The following RPTOR variants were observed in gnomAD, a reference collection of about 807,000 sequenced individuals.
The protein encoded by RPTOR is regulatory-associated protein of mTOR.
In RPTOR, 21 loss-of-function variants were observed where a neutral mutation model predicts 169.9. The observed-to-expected ratio is 0.12, with a 90% CI of 0.09 to 0.18. RPTOR has a LOEUF of 0.18. Among genes scored for constraint, RPTOR ranks in the 10% least tolerant of loss-of-function variants. RPTOR has a pLI of 1.00. For missense variants in RPTOR, 1,133 were observed against 1,855.9 expected (o/e 0.61, Z 7.16); for synonymous variants, 732 against 753.2 (o/e 0.97, Z 0.46).
intron 33 of RPTOR, 60 bp from the exon 34 acceptor site, chr17:80,964,202 C>CCCCCCCCCCCCGGGGG: frequency 1.6e-6 from 2 of 1,224,850 alleles, no homozygotes; most frequent in Non-Finnish European, 2.4e-6. Flanking sequence ...TGCGCCCCCC[C>CCCCCCCCCCCCGGGGG]GCCCCCCGCA....
intron 24 of RPTOR, among the ~76,000 whole-genome samples, chr17:80,933,019 CT>C (rs1264451353): frequency 6.6e-6 from 1 of 152,244 alleles, no homozygotes; most frequent in African/African-American, 2.4e-5. Context: ...CTGAAAGAAA[CT>C]GTCAACCTAG....
chr17:80,665,371 T>G (rs1264755234), intron 3 of RPTOR, among the ~76,000 whole-genome samples: 4 of 6,098 alleles, frequency 6.6e-4, no homozygotes, highest in African/African-American at 2.8e-3. Flanking sequence ...TCCTTTCCTT[T>G]CCTTTCCTTT....
At chr17:80,788,823 T>G (rs1428104454) in intron 6 of RPTOR, among the ~76,000 whole-genome samples, 5 of 152,202 alleles carry the variant, frequency 3.3e-5, no homozygotes, top group East Asian at 1.9e-4. Context: ...GCTTTGTGGG[T>G]TTTTTGAGCC....
chr17:80,774,862 A>G (rs2143430377), intron 6 of RPTOR, among the ~76,000 whole-genome samples: 1 of 152,238 alleles, frequency 6.6e-6, no homozygotes, highest in Admixed American at 6.5e-5. Context: ...GTCATTCATC[A>G]TTCCCTTTCT....
chr17:80,895,446 C>T (rs888617720), intron 20 of RPTOR, among the ~76,000 whole-genome samples: 27 of 152,240 alleles, frequency 1.8e-4, no homozygotes, highest in African/African-American at 5.8e-4. Context: ...TTCATTGGCC[C>T]GGCCCATCTC....
intron 25 of RPTOR, among the ~76,000 whole-genome samples, chr17:80,945,318 C>T (rs994474780): frequency 1.7e-4 from 25 of 151,120 alleles, no homozygotes; most frequent in African/African-American, 4.6e-4. Flanking sequence ...AGGGGCCCGG[C>T]GCGGTGGCTC....
chr17:80,742,672 T>C (rs12940318), intron 5 of RPTOR, among the ~76,000 whole-genome samples: 83,688 of 151,108 alleles, frequency 0.55, 23,332 homozygotes, highest in African/African-American at 0.59. Context: ...CACATACACA[T>C]ACAGCCATAT....
Position 80,723,764 on chromosome 17 carries a change from G to C in RPTOR, c.508-6796G>C, listed in dbSNP as rs116848594. Among the ~76,000 whole-genome samples the C allele has an allele frequency of 3.3e-5, 5 of 151,360 alleles. 1 individual carries two copies. The highest frequency in any genetic ancestry group is 1.2e-4 in the African/African-American group (5 of 40,624). The stretch of plus-strand genomic sequence containing the variant: ...TGTAAACACATGCATATTGATTTGC[G>C]TATCTATGTACAGGTGTGGAAACTA... On this transcript the variant is annotated intron_variant, in intron 4 of 33. Coordinates refer to ENST00000306801, the MANE Select transcript of RPTOR (RefSeq NM_020761.3).
In RPTOR at chr17:80,820,831, A is replaced by T. The variant is rs1291683426; in HGVS notation, c.891-1370A>T. Among the ~76,000 whole-genome samples, 2 of 152,276 alleles carry T rather than the reference A, an allele frequency of 1.3e-5. No homozygotes were observed. The highest frequency in any genetic ancestry group is 3.9e-4 in the East Asian group (2 of 5,174). On this transcript the variant is annotated intron_variant, in intron 7 of 33. Transcript: ENST00000306801. The surrounding 1 kb of genome is among the most constrained non-coding windows in gnomAD (Gnocchi z 4.1). ...ATGATGCCTGCCCTCCACCACCCAC[A>T]CAGCTAATGAAAGGGGCTTCTCCGT...
intron 1 of RPTOR, among the ~76,000 whole-genome samples, chr17:80,565,444 T>C (rs2084569995): frequency 6.6e-6 from 1 of 152,166 alleles, no homozygotes. Context: ...GGCTGGTGAC[T>C]GAAGGAGGCC....
At chr17:80,696,126 C>T (rs910821122) in intron 3 of RPTOR, among the ~76,000 whole-genome samples, 1 of 152,170 alleles carries the variant, frequency 6.6e-6, no homozygotes, top group African/African-American at 2.4e-5. Flanking sequence ...CTTCCTCTCC[C>T]TTTTAAATTT....
chr17:80,635,327 C>T (rs1264500505), intron 2 of RPTOR, among the ~76,000 whole-genome samples: 1 of 152,234 alleles, frequency 6.6e-6, no homozygotes, highest in Non-Finnish European at 1.5e-5. Flanking sequence ...CAGTGTGGCT[C>T]CCATCATCCT....
intron 24 of RPTOR, among the ~76,000 whole-genome samples, chr17:80,927,786 A>C (rs984848813): frequency 2.0e-5 from 3 of 151,246 alleles, no homozygotes; most frequent in East Asian, 1.9e-4. Flanking sequence ...GCCCCAAGCC[A>C]GCGTCTCCTC....
intron 20 of RPTOR, among the ~76,000 whole-genome samples, 187 bp from the exon 21 acceptor site, chr17:80,908,624 G>A (rs7221440): frequency 0.019 from 2,924 of 152,292 alleles, 104 homozygotes; most frequent in African/African-American, 0.066. Flanking sequence ...ATCAAGCCTA[G>A]TGATCAGCTA....
intron 9 of RPTOR, among the ~76,000 whole-genome samples, chr17:80,828,942 A>T (rs751265635): frequency 6.6e-6 from 1 of 152,248 alleles, no homozygotes; most frequent in Non-Finnish European, 1.5e-5. Context: ...TGCATCAGCA[A>T]TATAGTTAAT....
chr17:80,848,874 A>T (rs1401455705), intron 11 of RPTOR, among the ~76,000 whole-genome samples: 4 of 152,350 alleles, frequency 2.6e-5, no homozygotes, highest in South Asian at 4.1e-4. Context: ...GAAGGAGAAG[A>T]CGTGCTGGAG....
chr17:80,925,268 C>T (rs759831576), intron 23 of RPTOR, 102 bp from the exon 24 acceptor site: 85 of 952,722 alleles, frequency 8.9e-5, no homozygotes, highest in Middle Eastern at 4.2e-4. Context: ...CCGGTGCTCC[C>T]GGCAGCGCCT....
Position 80,665,410 on chromosome 17 carries a change from T to G in RPTOR, c.348+21600T>G, listed in dbSNP as rs1210497166. On this transcript the variant is annotated intron_variant, in intron 3 of 33. Transcript: ENST00000306801. ...TTCCTTTCCTTTCCTTTCCTTTCCT[T>G]TCCTTTCCTTTCCTTTCCTTTCCTT... 5.8e-3 allele frequency among the ~76,000 whole-genome samples: 53 copies of G among 9,090 alleles called. 4 individuals are homozygous for G. The highest frequency in any genetic ancestry group is 0.029 in the African/African-American group (21 of 726). The allele number at this position is 9,090 out of a possible 152,430, so 6.0% of individuals were successfully genotyped here. A position where few individuals can be genotyped will look rare whatever the true frequency, so the allele number is the denominator to read the frequency against.
At chr17:80,705,202 T>C (rs1271255748) in intron 3 of RPTOR, among the ~76,000 whole-genome samples, 1 of 152,286 alleles carries the variant, frequency 6.6e-6, no homozygotes, top group Admixed American at 6.5e-5. Flanking sequence ...GACTTGAAGA[T>C]CCCGCGTTAT....
Sources: allele counts gnomAD v4.1 joint callset (sites outside exome capture counted in the v4.1 genomes callset), GRCh38; gene constraint gnomAD v4.1.1; non-coding constraint Gnocchi (gnomAD v3.1); transcripts MANE v1.5; gene names NCBI Gene and HGNC (gene_info 2026-07-23, HGNC 2026-07-21).